The following NPIPB2 variants were observed in gnomAD, a reference collection of about 807,000 sequenced individuals.
The protein encoded by NPIPB2 is nuclear pore complex interacting protein family member B2.
In NPIPB2, 27 loss-of-function variants were observed where a neutral mutation model predicts 30.8. The observed-to-expected ratio is 0.88, with a 90% confidence interval of 0.65 to 1.21. The LOEUF (loss-of-function observed/expected upper bound fraction) is 1.21. Among genes scored for constraint, NPIPB2 ranks in the 50% most tolerant of loss-of-function variants. NPIPB2 has a pLI of 0.00. For synonymous variants in NPIPB2, 147 were observed against 162.0 expected, an observed-to-expected ratio of 0.91 and a Z score of 0.70; for missense variants, 440 against 446.2, an observed-to-expected ratio of 0.99 and a Z score of 0.13.
chr16:11,933,990 T>C (rs2054829938), intron 2 of NPIPB2, 66 bp from the exon 3 acceptor site: 2 of 1,326,074 alleles, frequency 1.5e-6, no homozygotes, highest in South Asian at 1.2e-5. Context: ...CCCAGTACTT[T>C]GGGAGGCCGA....
At chr16:11,973,681 C>T (rs12102773) in intron 1 of NPIPB2, among the ~76,000 whole-genome samples, 26,575 of 150,806 alleles carry the variant, frequency 0.18, 2,542 homozygotes, top group African/African-American at 0.24. Context: ...GATTCTCCTG[C>T]CTCAGCCTCC....
At chr16:11,973,212 G>C (rs1366309976) in intron 1 of NPIPB2, among the ~76,000 whole-genome samples, 1 of 151,074 alleles carries the variant, frequency 6.6e-6, no homozygotes, top group African/African-American at 2.4e-5. Flanking sequence ...AATTCTAAAA[G>C]GGAGGAGTCT....
Position 11,962,626 on chromosome 16 carries a change from A to C in NPIPB2, c.-584+13942T>G, listed in dbSNP as rs1260887954. Among the ~76,000 whole-genome samples the C allele has an allele frequency of 9.9e-5, 15 of 151,154 alleles. 1 individual carries two copies. Among genetic ancestry groups the C allele is most frequent in the East Asian group, 1.9e-4 (1 of 5,178 alleles). Reference sequence around the variant, plus strand: ...GATTCTGTCTCAAAAAAAAAAAAAAAAAACCAAAAAAAAAGAGGAAGACTG... The same window carrying C: ...GATTCTGTCTCAAAAAAAAAAAAAACAAACCAAAAAAAAAGAGGAAGACTG... On this transcript the variant is annotated intron_variant, in intron 1 of 5. Transcript: ENST00000538896.
At chr16:11,952,736 TG>T (rs1254912726) in intron 1 of NPIPB2, among the ~76,000 whole-genome samples, 4 of 151,978 alleles carry the variant, frequency 2.6e-5, no homozygotes, top group Non-Finnish European at 5.9e-5. Flanking sequence ...GGCTAATTTT[TG>T]CATTTTTTAG....
intron 1 of NPIPB2, among the ~76,000 whole-genome samples, chr16:11,959,766 T>C (rs1425638268): frequency 6.6e-6 from 1 of 152,154 alleles, no homozygotes; most frequent in Non-Finnish European, 1.5e-5. Context: ...ACACTACCTA[T>C]TTTATTTTTT....
At chr16:11,937,742 T>C (rs2054887662) in intron 1 of NPIPB2, 74 bp from the exon 2 acceptor site, 1 of 1,556,342 alleles carries the variant, frequency 6.4e-7, no homozygotes, top group Non-Finnish European at 8.7e-7. Context: ...GAATCATCCT[T>C]AGAAACCGTC....
At chr16:11,951,625 TACAC>T (rs1214348316) in intron 1 of NPIPB2, among the ~76,000 whole-genome samples, 127 of 95,884 alleles carry the variant, frequency 1.3e-3, no homozygotes, top group South Asian at 3.0e-3. Context: ...CACATACACA[TACAC>T]ACACACACAC....
At chr16:11,951,845 T>C (rs1002058694) in intron 1 of NPIPB2, among the ~76,000 whole-genome samples, 38 of 125,714 alleles carry the variant, frequency 3.0e-4, no homozygotes, top group African/African-American at 1.1e-3. Context: ...GGCTAACAGG[T>C]TGAAACCCCG....
chr16:11,948,295 C>A (rs1202852333), intron 1 of NPIPB2, among the ~76,000 whole-genome samples: 1 of 152,088 alleles, frequency 6.6e-6, no homozygotes, highest in Non-Finnish European at 1.5e-5. Flanking sequence ...TGGATCCTGT[C>A]ATCAAGCACC....
At chr16:11,963,388 A>G (rs1286099876) in intron 1 of NPIPB2, among the ~76,000 whole-genome samples, 3 of 152,106 alleles carry the variant, frequency 2.0e-5, no homozygotes, top group African/African-American at 7.2e-5. Context: ...CTCAAAAAAA[A>G]AAAAAAAAAG....
chr16:11,944,716 T>C (rs999979526), upstream of NPIPB2, among the ~76,000 whole-genome samples: 3 of 103,920 alleles, frequency 2.9e-5, no homozygotes, highest in African/African-American at 7.9e-5. Flanking sequence ...TAAGCAGAGA[T>C]GACACAGACT....
chr16:11,959,682 T>G (rs1325140264), intron 1 of NPIPB2, among the ~76,000 whole-genome samples: 1 of 152,246 alleles, frequency 6.6e-6, no homozygotes, highest in Non-Finnish European at 1.5e-5. Context: ...AGATTTTGTC[T>G]ATTGCCAGAG....
chr16:11,967,808 G>A (rs2055207745), intron 1 of NPIPB2: 1 of 1,614,086 alleles, frequency 6.2e-7, no homozygotes, highest in African/African-American at 1.3e-5. Flanking sequence ...CAGCTGCTTT[G>A]AGTGCTACGG....
At chr16:11,964,904 T>C (rs2055181316) in intron 1 of NPIPB2, among the ~76,000 whole-genome samples, 1 of 152,190 alleles carries the variant, frequency 6.6e-6, no homozygotes, top group African/African-American at 2.4e-5. Context: ...AGACCTTGTC[T>C]TGTCTATCTC....
chr16:11,972,725 G>A lies in NPIPB2; in HGVS notation c.-584+3843C>T, dbSNP rs1027373764. Among the ~76,000 whole-genome samples, 4 of 151,744 alleles carry A rather than the reference G, an allele frequency of 2.6e-5. 1 individual carries two copies. The highest frequency in any genetic ancestry group is 7.3e-5 in the African/African-American group (3 of 41,258). On this transcript the variant is annotated intron_variant, in intron 1 of 5. Transcript: ENST00000538896. The stretch of plus-strand genomic sequence containing the variant: ...CCGTCTCTACTAGAATTAGCTGGAC[G>A]TGGTGGTGGGCGCCTGTAATCCCAG...
intron 1 of NPIPB2, chr16:11,967,547 TGTTTCC>T (rs2055204875): frequency 1.2e-6 from 2 of 1,600,844 alleles, no homozygotes; most frequent in African/African-American, 2.7e-5. Flanking sequence ...TTTGGGTTAA[TGTTTCC>T]GTTTCTACAT....
intron 1 of NPIPB2, among the ~76,000 whole-genome samples, chr16:11,963,715 A>G (rs1269298243): frequency 6.6e-6 from 1 of 152,112 alleles, no homozygotes; most frequent in African/African-American, 2.4e-5. Context: ...GGACGTCTCT[A>G]TATGGGTATT....
chr16:11,968,098 A>G, intron 1 of NPIPB2: 1 of 469,270 alleles, frequency 2.1e-6, no homozygotes, highest in South Asian at 2.6e-5. Flanking sequence ...GTGAGTTTTT[A>G]AAAACAAGCA....
intron 1 of NPIPB2, chr16:11,966,168 T>C (rs962651332): frequency 1.0e-5 from 16 of 1,590,776 alleles, no homozygotes; most frequent in African/African-American, 1.3e-5. Context: ...ATCAGCTCAT[T>C]ATCTGTCTGA....
Sources: gnomAD v4.1 joint callset for allele counts (sites outside exome capture counted in the v4.1 genomes callset) on GRCh38, gnomAD v4.1.1 for gene constraint, MANE v1.5 for transcripts, NCBI Gene and HGNC (gene_info 2026-07-23, HGNC 2026-07-21) for gene names.